Variants in CORIN observed in about 807,000 individuals in gnomAD.
CORIN encodes the protein corin, serine peptidase, also known as atrial natriuretic peptide-converting enzyme.
CORIN carries 117 observed loss-of-function variants against 125.3 expected under a neutral mutation model. The observed-to-expected ratio is 0.93, with a 90% confidence interval of 0.80 to 1.09. CORIN has a LOEUF of 1.09. CORIN is among the 50% of genes least tolerant of loss of function. The pLI, the probability that CORIN is intolerant of heterozygous loss-of-function variation, is 0.00. For synonymous variants in CORIN, 450 were observed against 466.4 expected (o/e 0.96, Z 0.45); for missense variants, 1,253 against 1,306.7 (o/e 0.96, Z 0.63).
chr4:47,704,362 C>T (rs1726451814), intron 5 of CORIN, among the ~76,000 whole-genome samples: 1 of 152,116 alleles, frequency 6.6e-6, no homozygotes, highest in Admixed American at 6.5e-5. Context: ...GGGAGAAAAA[C>T]TGCTAAAATG....
intron 9 of CORIN, among the ~76,000 whole-genome samples, chr4:47,677,712 T>C (rs1210350336): frequency 6.6e-6 from 1 of 152,244 alleles, no homozygotes; most frequent in Non-Finnish European, 1.5e-5. Flanking sequence ...GACCATGCTG[T>C]TCAGGTGTCT....
intron 2 of CORIN, among the ~76,000 whole-genome samples, chr4:47,803,303 G>A (rs897832250): frequency 1.4e-4 from 21 of 152,132 alleles, no homozygotes; most frequent in African/African-American, 4.8e-4. Context: ...CAGATTCCAT[G>A]CAATCCCTAT....
intron 5 of CORIN, among the ~76,000 whole-genome samples, chr4:47,717,956 C>T (rs534699310): frequency 6.6e-6 from 1 of 152,096 alleles, no homozygotes; most frequent in Non-Finnish European, 1.5e-5. Flanking sequence ...GATAAACTGG[C>T]AACGAGAGGT....
At chr4:47,653,784 G>C (rs949289727) in intron 12 of CORIN, 124 bp from the exon 13 acceptor site, 4 of 751,532 alleles carry the variant, frequency 5.3e-6, no homozygotes, top group Non-Finnish European at 8.7e-6. Flanking sequence ...CTTGCAAAAC[G>C]AAATAGCCAT....
intron 2 of CORIN, among the ~76,000 whole-genome samples, chr4:47,799,063 G>A (rs990526624): frequency 1.3e-4 from 19 of 151,742 alleles, no homozygotes; most frequent in South Asian, 4.2e-4. Context: ...TGCTGCAAAG[G>A]ACATGATTTC....
intron 4 of CORIN, among the ~76,000 whole-genome samples, chr4:47,748,292 G>A (rs61762936): frequency 1.1e-4 from 16 of 152,216 alleles, no homozygotes; most frequent in Non-Finnish European, 2.9e-5. Flanking sequence ...TTTGGAATAT[G>A]TGTCTATATC....
intron 10 of CORIN, among the ~76,000 whole-genome samples, chr4:47,667,960 C>A (rs537078608): frequency 1.3e-5 from 2 of 152,146 alleles, no homozygotes; most frequent in South Asian, 4.2e-4. Context: ...AGGGTACAGC[C>A]CCCAAGAATG....
At chr4:47,669,092 T>C (rs528089719) in intron 10 of CORIN, among the ~76,000 whole-genome samples, 12 of 152,276 alleles carry the variant, frequency 7.9e-5, no homozygotes, top group African/African-American at 2.6e-4. Context: ...CCGATATAAG[T>C]TTGATGTAGT....
At chr4:47,769,997 G>A (rs28841313) in intron 3 of CORIN, among the ~76,000 whole-genome samples, 1 of 151,978 alleles carries the variant, frequency 6.6e-6, no homozygotes, top group Non-Finnish European at 1.5e-5. Context: ...GGCAACAAAA[G>A]TATAAATACA....
intron 4 of CORIN, among the ~76,000 whole-genome samples, chr4:47,754,360 G>C (rs1729041690): frequency 1.3e-5 from 2 of 152,100 alleles, no homozygotes; most frequent in African/African-American, 4.8e-5. Context: ...TCATGTGGCT[G>C]ACTGCTGTTT....
At chr4:47,639,685 C>A (rs1389997692) in intron 16 of CORIN, among the ~76,000 whole-genome samples, 1 of 152,186 alleles carries the variant, frequency 6.6e-6, no homozygotes, top group Non-Finnish European at 1.5e-5. Flanking sequence ...GGGCTTTGAT[C>A]TGGAGGAAAT....
intron 4 of CORIN, among the ~76,000 whole-genome samples, chr4:47,745,391 T>C (rs1156481296): frequency 1.3e-5 from 2 of 152,224 alleles, no homozygotes; most frequent in African/African-American, 2.4e-5. Flanking sequence ...GCATTTCAAA[T>C]AGTTTTAAGG....
chr4:47,791,426 G>A (rs1246788068), intron 2 of CORIN, among the ~76,000 whole-genome samples: 1 of 152,164 alleles, frequency 6.6e-6, no homozygotes, highest in East Asian at 1.9e-4. Context: ...TAATAAATTT[G>A]TACTATCTTT....
chr4:47,831,144 C>T (rs1732974130), intron 1 of CORIN, among the ~76,000 whole-genome samples: 1 of 152,242 alleles, frequency 6.6e-6, no homozygotes, highest in African/African-American at 2.4e-5. Context: ...GGATCACCTA[C>T]AGGACAACCT....
At position 47,653,614 on chromosome 4, in the gene CORIN, C is replaced by A; in HGVS notation, c.1782G>T (p.Leu594=). The A allele has an allele frequency of 6.2e-7, 1 of 1,614,094 alleles. No individual in the cohort carries two copies. The highest frequency in any genetic ancestry group is 8.5e-7 in the Non-Finnish European group (1 of 1,179,970). ...HFKCRSGQCV[L]ASRRCDGQAD... ...CCTGGCCATCACATCTTCTGGAAGCCAGAACACACTGTCCTGAGCGGCACT... is the reference window on the plus strand; with the variant it reads ...CCTGGCCATCACATCTTCTGGAAGCAAGAACACACTGTCCTGAGCGGCACT... The change falls in exon 13 of 22, where the codon CTG becomes CTT. Residue 594 remains leucine, a synonymous_variant. Coordinates refer to ENST00000273857, the MANE Select transcript of CORIN (RefSeq NM_006587.4).
At chr4:47,669,553 CTA>C (rs67123208) in intron 10 of CORIN, among the ~76,000 whole-genome samples, 35,630 of 144,170 alleles carry the variant, frequency 0.25, 5,003 homozygotes, top group East Asian at 0.62. Context: ...CCTTGCTCTT[CTA>C]TATATATATA....
rs34035998 is a variant in CORIN at position 47,601,320 on chromosome 4, CTT to C, written c.2813-975_2813-974del. Reference sequence around the variant, plus strand: ...GTCTTTCTGACTGAATTCAGCAGATCTTTTTTTTTTTTTTGAGACAGGGTCTC... The same window carrying C: ...GTCTTTCTGACTGAATTCAGCAGATCTTTTTTTTTTTTGAGACAGGGTCTC... On this transcript the variant is annotated intron_variant, in intron 20 of 21. Transcript: ENST00000273857. 5.9e-3 allele frequency among the ~76,000 whole-genome samples: 856 copies of C among 145,610 alleles called. 3 individuals carry two copies. Among genetic ancestry groups the C allele is most frequent in the Non-Finnish European group, 8.6e-3 (566 of 66,084 alleles).
At chr4:47,625,751 A>G (rs1309492706) in intron 17 of CORIN, among the ~76,000 whole-genome samples, 1 of 152,222 alleles carries the variant, frequency 6.6e-6, no homozygotes, top group East Asian at 1.9e-4. Flanking sequence ...AGTTATTTAA[A>G]TATTCAAGCT....
At chr4:47,702,910 A>ATTCTTTTTTT (rs963610015) in intron 5 of CORIN, among the ~76,000 whole-genome samples, 1 of 152,034 alleles carries the variant, frequency 6.6e-6, no homozygotes, top group Non-Finnish European at 1.5e-5. Flanking sequence ...AAGCATTAGC[A>ATTCTTTTTTT]TTCTTTTTTT....
Sources: allele counts gnomAD v4.1 joint callset (sites outside exome capture counted in the v4.1 genomes callset), GRCh38; gene constraint gnomAD v4.1.1; transcripts MANE v1.5; gene names NCBI Gene and HGNC (gene_info 2026-07-23, HGNC 2026-07-21).